RTTN: variants seen among roughly 807,000 people sequenced by gnomAD.
RTTN encodes rotatin.
In RTTN, 182 loss-of-function variants were observed where a neutral mutation model predicts 269.2. That is an observed-to-expected ratio of 0.68 (90% confidence interval 0.60 to 0.76). The LOEUF (loss-of-function observed/expected upper bound fraction) is 0.76. Among genes scored for constraint, RTTN ranks in the 30% least tolerant of loss-of-function variants. The pLI, the probability that RTTN is intolerant of heterozygous loss-of-function variation, is 0.00. For synonymous variants in RTTN, 1,006 were observed against 963.5 expected, an observed-to-expected ratio of 1.04 and a Z score of -0.82; for missense variants, 2,545 against 2,608.6, an observed-to-expected ratio of 0.98 and a Z score of 0.53.
intron 30 of RTTN, among the ~76,000 whole-genome samples, chr18:70,089,713 T>C (rs931238285): frequency 2.0e-5 from 3 of 152,322 alleles, no homozygotes; most frequent in South Asian, 2.1e-4. Flanking sequence ...ATCCTTGTTA[T>C]AAAGTAGCAA....
intron 13 of RTTN, 162 bp from the exon 14 acceptor site, chr18:70,166,350 G>A: frequency 1.7e-6 from 1 of 583,286 alleles, no homozygotes; most frequent in Non-Finnish European, 2.8e-6. Context: ...GCACTTATTT[G>A]TTTCAGGGCA....
chr18:70,113,687 T>C (rs1221399435), intron 27 of RTTN, among the ~76,000 whole-genome samples: 1 of 152,154 alleles, frequency 6.6e-6, no homozygotes, highest in Non-Finnish European at 1.5e-5. Context: ...ACATGGCATA[T>C]CTATAAATAG....
In RTTN at chr18:70,028,472, G is replaced by A. The variant is rs192449906; in HGVS notation, c.5823+252C>T. Among the ~76,000 whole-genome samples, 27 of 152,166 alleles carry A rather than the reference G, an allele frequency of 1.8e-4. No individual in the cohort carries two copies. The East Asian group carries it at 4.1e-3, about 23-fold the overall frequency. ...ACACATCCAGCCATTCATTCCATAT[G>A]TAAAACATTTAAAATACCTAAGAGT... is the stretch of plus-strand genomic sequence containing the variant. On this transcript the variant is annotated intron_variant, in intron 43 of 48. Transcript: ENST00000640769.
intron 36 of RTTN, among the ~76,000 whole-genome samples, chr18:70,058,866 G>T (rs868530849): frequency 2.0e-5 from 3 of 152,100 alleles, no homozygotes; most frequent in African/African-American, 7.2e-5. Flanking sequence ...CATGTTAAAG[G>T]AATAATTACA....
Position 70,086,207 on chromosome 18 carries a change from G to C in RTTN, c.4374+406C>G, listed in dbSNP as rs150719059. 9.6e-3 allele frequency among the ~76,000 whole-genome samples: 1,455 copies of C among 152,196 alleles called. 22 individuals carry two copies. The highest frequency in any genetic ancestry group is 0.033 in the African/African-American group (1,386 of 41,526). ...AAGTAATACAGCAAAGTGGGTAAGA[G>C]ACTGCCTAGACTCAAAGCAAAGGCG... is the stretch of plus-strand genomic sequence containing the variant. On this transcript the variant is annotated intron_variant, in intron 32 of 48. Transcript: ENST00000640769.
At chr18:70,008,630 A>T (rs1380070621) in intron 46 of RTTN, 1 of 151,836 alleles carries the variant, frequency 6.6e-6, no homozygotes, top group African/African-American at 2.4e-5. Context: ...TCAATAGCGA[A>T]ATCGATCAAG....
intron 27 of RTTN, among the ~76,000 whole-genome samples, chr18:70,109,975 T>C (rs903661602): frequency 6.6e-6 from 1 of 152,114 alleles, no homozygotes; most frequent in Non-Finnish European, 1.5e-5. Context: ...TCCCAGTGCC[T>C]TGGGAGCCTG....
Position 70,176,664 on chromosome 18 carries a change from G to T in RTTN, c.1476+11C>A. 6.2e-7 allele frequency: 1 copy of T among 1,608,810 alleles called. No individual in the cohort carries two copies. The highest frequency in any genetic ancestry group is 8.5e-7 in the Non-Finnish European group (1 of 1,177,266). On this transcript the variant is annotated intron_variant, in intron 11 of 48. Coordinates refer to ENST00000640769, the MANE Select transcript of RTTN (RefSeq NM_173630.4). ...CTGTAAAGTACAAATGAGCAGCATT[G>T]CCTGCCTTACCTTTTCAACAGGGAG...
At chr18:70,034,160 T>G (rs1421556150) in intron 40 of RTTN, among the ~76,000 whole-genome samples, 1 of 152,148 alleles carries the variant, frequency 6.6e-6, no homozygotes, top group Non-Finnish European at 1.5e-5. Flanking sequence ...TTACAGACAC[T>G]GTTCCCCAAA....
At chr18:70,042,910 G>C (rs1360089002) in intron 40 of RTTN, among the ~76,000 whole-genome samples, 1 of 152,214 alleles carries the variant, frequency 6.6e-6, no homozygotes, top group African/African-American at 2.4e-5. Flanking sequence ...TTAACCAGGA[G>C]AGAAGGCCAC....
At chr18:70,151,267 TTATA>T (rs1158567766) in intron 14 of RTTN, among the ~76,000 whole-genome samples, 1 of 149,494 alleles carries the variant, frequency 6.7e-6, no homozygotes, top group African/African-American at 2.4e-5. Flanking sequence ...ATATATATGA[TTATA>T]TAAAGTTATC....
At chr18:70,124,839 A>T (rs1255530707) in intron 25 of RTTN, among the ~76,000 whole-genome samples, 1 of 152,078 alleles carries the variant, frequency 6.6e-6, no homozygotes, top group East Asian at 1.9e-4. Flanking sequence ...CCAATTCGCT[A>T]GTCAGTCTAC....
chr18:70,062,936 A>C (rs989549662), intron 35 of RTTN, among the ~76,000 whole-genome samples: 1 of 152,098 alleles, frequency 6.6e-6, no homozygotes, highest in Admixed American at 6.6e-5. Context: ...AATAAATTTT[A>C]TTTATAAGTA....
Position 70,196,586 on chromosome 18 carries a change from C to G in RTTN, c.756G>C (p.Ser252=). The G allele has an allele frequency of 6.3e-7, 1 of 1,596,826 alleles. No individual in the cohort carries two copies. Among genetic ancestry groups the G allele is most frequent in the Non-Finnish European group, 8.5e-7 (1 of 1,174,662 alleles). ...TGCACAGCTGCTGCAGGCAGGACAC[C>G]GACTGTAATGCCAGGCGATGCTTTC... is the stretch of plus-strand genomic sequence containing the variant. ...GDGKHRLALQ[S]VSCLQQLCMY... Residue 252 remains serine (S), a synonymous_variant, in exon 7 of 49, where the codon TCG becomes TCC. Coordinates refer to ENST00000640769, the MANE Select transcript of RTTN (RefSeq NM_173630.4).
chr18:70,141,090 G>C (rs775286538), intron 19 of RTTN, among the ~76,000 whole-genome samples: 2 of 151,908 alleles, frequency 1.3e-5, no homozygotes, highest in Non-Finnish European at 2.9e-5. Context: ...AGTTTTTCTT[G>C]ATCTTTTTTT....
At position 70,051,536 on chromosome 18, in the gene RTTN, A is replaced by G; in HGVS notation, c.5198T>C (p.Ile1733Thr). ...CTKDVLDKEL[I>T]SAFYHTWTHL... ...TGTCCATGTGTGATAAAAAGCTGAT[A>G]TTAACTCTTTATCTATAAAATTAAT... Residue 1733 changes from isoleucine (I) to threonine (T), a missense_variant, in exon 39 of 49, where the codon ATA becomes ACA. Ile to Thr is a moderately conservative substitution (Grantham distance 89, BLOSUM62 -1). Coordinates refer to ENST00000640769, the MANE Select transcript of RTTN (RefSeq NM_173630.4). 1.2e-6 allele frequency: 2 copies of G among 1,602,074 alleles called. No homozygotes were observed. The highest frequency in any genetic ancestry group is 2.2e-5 in the South Asian group (2 of 89,614).
chr18:70,040,782 G>C (rs2057316739), intron 40 of RTTN, among the ~76,000 whole-genome samples: 1 of 152,116 alleles, frequency 6.6e-6, no homozygotes, highest in South Asian at 2.1e-4. Flanking sequence ...CATCTTCTAT[G>C]ACCAGAGTAG....
intron 11 of RTTN, among the ~76,000 whole-genome samples, chr18:70,171,451 G>A (rs942513870): frequency 5.3e-5 from 8 of 152,068 alleles, no homozygotes; most frequent in Admixed American, 6.5e-5. Context: ...TCCTTTTCTC[G>A]CTTCACCACA....
chr18:70,032,261 G>A (rs541039730), intron 40 of RTTN, among the ~76,000 whole-genome samples: 18 of 152,286 alleles, frequency 1.2e-4, no homozygotes, highest in South Asian at 4.2e-4. Flanking sequence ...CCCAGAGCCC[G>A]AGCCTAGCCA....
Sources: gnomAD v4.1 joint callset for allele counts (sites outside exome capture counted in the v4.1 genomes callset) on GRCh38, gnomAD v4.1.1 for gene constraint, MANE v1.5 for transcripts, NCBI Gene and HGNC (gene_info 2026-07-23, HGNC 2026-07-21) for gene names.